NUBPL: variants seen among roughly 807,000 people sequenced by gnomAD.
The protein encoded by NUBPL is iron-sulfur cluster transfer protein NUBPL.
In NUBPL, 31 loss-of-function variants were observed where a neutral mutation model predicts 45.7. That is an observed-to-expected ratio of 0.68 (90% confidence interval 0.51 to 0.92). The LOEUF is 0.92. Among genes scored for constraint, NUBPL ranks in the 40% least tolerant of loss-of-function variants. NUBPL has a pLI of 0.00. For missense variants in NUBPL, 401 were observed against 398.7 expected, an observed-to-expected ratio of 1.01 and a Z score of -0.05; for synonymous variants, 144 against 140.9, an observed-to-expected ratio of 1.02 and a Z score of -0.15.
intron 7 of NUBPL, among the ~76,000 whole-genome samples, chr14:31,802,604 G>A (rs1029497397): frequency 6.6e-6 from 1 of 152,140 alleles, no homozygotes; most frequent in Non-Finnish European, 1.5e-5. Flanking sequence ...ATGTCATGAC[G>A]TAGTGGGAAG....
chr14:31,629,051 C>T (rs1220389749), intron 4 of NUBPL, among the ~76,000 whole-genome samples: 3 of 152,122 alleles, frequency 2.0e-5, no homozygotes, highest in Non-Finnish European at 2.9e-5. Flanking sequence ...TATATTCCCA[C>T]CCCCCAAAAT....
intron 6 of NUBPL, among the ~76,000 whole-genome samples, chr14:31,732,914 A>G (rs2378943): frequency 4.0e-5 from 6 of 151,614 alleles, no homozygotes; most frequent in African/African-American, 1.5e-4. Flanking sequence ...CGCCCGGCCT[A>G]TTCTTTTATG....
intron 4 of NUBPL, among the ~76,000 whole-genome samples, chr14:31,650,412 C>T (rs946281789): frequency 6.6e-6 from 1 of 151,748 alleles, no homozygotes; most frequent in East Asian, 1.9e-4. Flanking sequence ...GCCTCAGCCT[C>T]CGAGGTAGCT....
chr14:31,568,345 A>G (rs2033492714), intron 3 of NUBPL, among the ~76,000 whole-genome samples: 1 of 151,868 alleles, frequency 6.6e-6, no homozygotes, highest in Non-Finnish European at 1.5e-5. Context: ...TCCTGTTTAG[A>G]AAAAAAAAGT....
chr14:31,568,459 C>T (rs1025658475), intron 3 of NUBPL, among the ~76,000 whole-genome samples: 4 of 152,180 alleles, frequency 2.6e-5, no homozygotes, highest in Non-Finnish European at 5.9e-5. Context: ...AAAAACTCTT[C>T]TTGGAGTTAT....
chr14:31,856,025 A>G (rs1335283313), intron 10 of NUBPL, among the ~76,000 whole-genome samples: 1 of 152,210 alleles, frequency 6.6e-6, no homozygotes, highest in Admixed American at 6.5e-5. Flanking sequence ...TAAATATATA[A>G]CTGTAAGCAT....
chr14:31,638,605 C>A (rs1038186580), intron 4 of NUBPL, among the ~76,000 whole-genome samples: 3 of 152,008 alleles, frequency 2.0e-5, no homozygotes, highest in African/African-American at 7.3e-5. Flanking sequence ...TTGTGGCGTT[C>A]TCTGTATTTC....
chr14:31,679,956 T>C (rs2036791469), intron 6 of NUBPL, among the ~76,000 whole-genome samples: 1 of 152,182 alleles, frequency 6.6e-6, no homozygotes, highest in African/African-American at 2.4e-5. Flanking sequence ...CTTCTTTTGT[T>C]AGATATATCT....
Position 31,766,601 on chromosome 14 carries a change from C to T in NUBPL, c.514-21179C>T, listed in dbSNP as rs571550729. On this transcript the variant is annotated intron_variant, in intron 6 of 10. Transcript: ENST00000281081. ...CCCATTTACTATAAACAACTGCTGT[C>T]GGCCACCTCCAAAACTGCAGTTATC... 2.1e-3 allele frequency among the ~76,000 whole-genome samples: 313 copies of T among 152,242 alleles called. 1 individual carries two copies. Among genetic ancestry groups the T allele is most frequent in the African/African-American group, 6.7e-3 (279 of 41,522 alleles).
Position 31,730,485 on chromosome 14 carries a change from A to G in NUBPL, c.513+56911A>G, listed in dbSNP as rs182592741. Among the ~76,000 whole-genome samples the G allele has an allele frequency of 1.1e-3, 152 of 141,478 alleles. 2 individuals carry two copies. The highest frequency in any genetic ancestry group is 2.9e-4 in the Non-Finnish European group (19 of 65,984). 92.8% of individuals were successfully genotyped at this position (141,478 alleles called of 152,430 possible). A position where few individuals can be genotyped will look rare whatever the true frequency, so the allele number is the denominator to read the frequency against. ...AATCTTTTTTTTTTTTTTTTTTGAG[A>G]TGGAGTCTTGCACCGTCGCCCAGGC... is the stretch of plus-strand genomic sequence containing the variant. On this transcript the variant is annotated intron_variant, in intron 6 of 10. Coordinates refer to ENST00000281081, the MANE Select transcript of NUBPL (RefSeq NM_025152.3).
At chr14:31,789,122 C>T (rs376229526) in intron 7 of NUBPL, among the ~76,000 whole-genome samples, 6 of 151,986 alleles carry the variant, frequency 3.9e-5, no homozygotes, top group East Asian at 3.9e-4. Context: ...GTCAGGAGAT[C>T]GAGACCATCC....
chr14:31,722,036 G>A (rs74805021), intron 6 of NUBPL, among the ~76,000 whole-genome samples: 44,745 of 151,708 alleles, frequency 0.29, 7,473 homozygotes, highest in South Asian at 0.41. Context: ...TCGTTCTGTC[G>A]CCCAGGCTGG....
intron 8 of NUBPL, among the ~76,000 whole-genome samples, chr14:31,833,030 T>C (rs571000762): frequency 6.6e-6 from 1 of 152,352 alleles, no homozygotes; most frequent in Non-Finnish European, 1.5e-5. Context: ...TACAGATTTT[T>C]ATGTATTTTA....
chr14:31,805,471 T>A (rs948265570), intron 7 of NUBPL, among the ~76,000 whole-genome samples: 1 of 152,192 alleles, frequency 6.6e-6, no homozygotes, highest in African/African-American at 2.4e-5. Flanking sequence ...CACGTGTACA[T>A]TTGTTGCACT....
At chr14:31,656,677 T>A (rs2036148572) in intron 4 of NUBPL, among the ~76,000 whole-genome samples, 2 of 152,102 alleles carry the variant, frequency 1.3e-5, no homozygotes, top group African/African-American at 4.8e-5. Context: ...TGGGTGCAGT[T>A]CATGGTGCCC....
chr14:31,818,580 A>G (rs1041907778), intron 7 of NUBPL, among the ~76,000 whole-genome samples: 1 of 149,366 alleles, frequency 6.7e-6, no homozygotes, highest in Non-Finnish European at 1.5e-5. Context: ...GGAGTCTCGC[A>G]CTGTCACCCA....
At chr14:31,653,462 T>G (rs769089008) in intron 4 of NUBPL, among the ~76,000 whole-genome samples, 1 of 152,208 alleles carries the variant, frequency 6.6e-6, no homozygotes, top group African/African-American at 2.4e-5. Flanking sequence ...AGGAAAAGAA[T>G]TTAGCGATAT....
intron 7 of NUBPL, among the ~76,000 whole-genome samples, chr14:31,823,999 T>C (rs941462981): frequency 6.6e-6 from 1 of 152,020 alleles, no homozygotes; most frequent in Non-Finnish European, 1.5e-5. Context: ...CATGGAACAA[T>C]TTGAAAAGTA....
At chr14:31,580,037 C>G (rs558590906) in intron 3 of NUBPL, among the ~76,000 whole-genome samples, 1 of 152,178 alleles carries the variant, frequency 6.6e-6, no homozygotes, top group Non-Finnish European at 1.5e-5. Context: ...TTGGTTGTTT[C>G]AAATAACATG....
Sources: gnomAD v4.1 joint callset for allele counts (sites outside exome capture counted in the v4.1 genomes callset) on GRCh38, gnomAD v4.1.1 for gene constraint, MANE v1.5 for transcripts, NCBI Gene and HGNC (gene_info 2026-07-23, HGNC 2026-07-21) for gene names.